Variants in SYT14 observed in about 807,000 individuals in gnomAD.
SYT14 encodes synaptotagmin 14.
SYT14 carries 32 observed loss-of-function variants against 74.2 expected under a neutral mutation model. The ratio of observed to expected loss-of-function variants is 0.43; its 90% CI spans 0.33 to 0.58. The LOEUF is 0.58. Among genes scored for constraint, SYT14 ranks in the 20% least tolerant of loss-of-function variants. SYT14 has a pLI of 0.05. For missense variants in SYT14, 791 were observed against 981.8 expected, an observed-to-expected ratio of 0.81 and a Z score of 2.60; for synonymous variants, 298 against 337.7, an observed-to-expected ratio of 0.88 and a Z score of 1.29.
intron 2 of SYT14, among the ~76,000 whole-genome samples, chr1:210,003,831 A>C (rs2079943463): frequency 6.6e-6 from 1 of 152,148 alleles, no homozygotes; most frequent in African/African-American, 2.4e-5. Flanking sequence ...AAATCCTTAC[A>C]AATAATTGGT....
At chr1:210,106,940 A>G (rs915398054) in intron 7 of SYT14, among the ~76,000 whole-genome samples, 1 of 152,234 alleles carries the variant, frequency 6.6e-6, no homozygotes, top group African/African-American at 2.4e-5. Context: ...GAGCCTGTGA[A>G]ATAAAAAGCA....
intron 7 of SYT14, among the ~76,000 whole-genome samples, chr1:210,106,286 A>T (rs2082156226): frequency 6.6e-6 from 1 of 152,042 alleles, no homozygotes; most frequent in African/African-American, 2.4e-5. Context: ...GTCTTAGCCT[A>T]CCCCCAGGGA....
At chr1:209,950,314 T>C (rs78381218) in intron 1 of SYT14, among the ~76,000 whole-genome samples, 18,157 of 152,258 alleles carry the variant, frequency 0.12, 1,453 homozygotes, top group South Asian at 0.21. Flanking sequence ...ATTATAGTTA[T>C]GTTATTTTTA....
chr1:210,109,340 G>A (rs988993793), intron 7 of SYT14, among the ~76,000 whole-genome samples: 5 of 152,122 alleles, frequency 3.3e-5, no homozygotes, highest in African/African-American at 1.2e-4. Flanking sequence ...AGCACTATGG[G>A]AGGCTGAGGT....
At chr1:209,977,928 C>T (rs2079399309) in intron 2 of SYT14, among the ~76,000 whole-genome samples, 1 of 152,152 alleles carries the variant, frequency 6.6e-6, no homozygotes, top group African/African-American at 2.4e-5. Flanking sequence ...TTTCTCTAAA[C>T]TTCTCTTCTT....
chr1:210,018,347 A>G (rs866384287), intron 4 of SYT14, among the ~76,000 whole-genome samples: 4 of 151,978 alleles, frequency 2.6e-5, no homozygotes, highest in African/African-American at 9.7e-5. Context: ...TTGGCCCGGG[A>G]TGGTCTCGGT....
At chr1:210,148,331 A>ACC (rs2083084682) in intron 7 of SYT14, among the ~76,000 whole-genome samples, 3 of 152,062 alleles carry the variant, frequency 2.0e-5, no homozygotes, top group Non-Finnish European at 1.5e-5. Context: ...ACACGGTGAA[A>ACC]CCCCGTCTCT....
Position 210,121,533 on chromosome 1 carries a change from A to G in SYT14, c.2034+21072A>G, listed in dbSNP as rs377508613. On this transcript the variant is annotated intron_variant, in intron 7 of 9. Transcript: ENST00000637265. ...AGTAGGGCCAGGCGCGGTGGCTCAC[A>G]CCTGTAATCCCAGCACTTTGGGAGG... Among the ~76,000 whole-genome samples, 122 of 152,258 alleles carry G rather than the reference A, an allele frequency of 8.0e-4. 1 individual carries two copies. Among genetic ancestry groups the G allele is most frequent in the Admixed American group, 2.0e-3 (31 of 15,294 alleles).
At chr1:210,041,562 G>A (rs1211518256) in intron 5 of SYT14, among the ~76,000 whole-genome samples, 1 of 152,094 alleles carries the variant, frequency 6.6e-6, no homozygotes. Flanking sequence ...GAGATGTATA[G>A]CATACACTAA....
chr1:210,161,992 T>G, exon 10 of SYT14: 3 of 453,822 alleles, frequency 6.6e-6, no homozygotes, highest in Non-Finnish European at 1.3e-5. Context: ...AATTTTCTGC[T>G]CTGAGTATTT....
intron 6 of SYT14, among the ~76,000 whole-genome samples, chr1:210,099,600 T>G (rs1230008792): frequency 6.6e-6 from 1 of 152,202 alleles, no homozygotes; most frequent in Admixed American, 6.5e-5. Context: ...GTTATACTTT[T>G]ATTTATGTTC....
chr1:210,016,188 T>C (rs1029777006), exon 4 of SYT14: 2 of 1,232,008 alleles, frequency 1.6e-6, no homozygotes, highest in African/African-American at 1.6e-5. Flanking sequence ...GAAAGCTCTG[T>C]AGCAGAAGAA....
chr1:209,961,680 A>G (rs2079077562), intron 2 of SYT14, among the ~76,000 whole-genome samples: 3 of 152,140 alleles, frequency 2.0e-5, no homozygotes, highest in South Asian at 2.1e-4. Context: ...TGAAGAAGGT[A>G]GGGACAGTCT....
chr1:210,111,253 G>A (rs2082256693), intron 7 of SYT14, among the ~76,000 whole-genome samples: 2 of 152,096 alleles, frequency 1.3e-5, no homozygotes, highest in African/African-American at 2.4e-5. Flanking sequence ...AAAAATTACA[G>A]TCAAAGGGGG....
At chr1:210,021,900 A>T (rs1558134398) in intron 5 of SYT14, among the ~76,000 whole-genome samples, 1 of 152,208 alleles carries the variant, frequency 6.6e-6, no homozygotes, top group Non-Finnish European at 1.5e-5. Context: ...CTCAACCTAT[A>T]TAGAAGATGT....
In SYT14 at chr1:210,081,830, C is replaced by T. The variant is rs552342009; in HGVS notation, c.1313-12492C>T. 2.0e-5 allele frequency among the ~76,000 whole-genome samples: 3 copies of T among 152,222 alleles called. No homozygotes were observed. In the South Asian group the frequency reaches 6.2e-4, roughly 32 times the overall value. On this transcript the variant is annotated intron_variant, in intron 5 of 9. Coordinates refer to ENST00000637265, the Ensembl canonical transcript of SYT14. Reference sequence around the variant, plus strand: ...CATAGTAATCCTATAATCATAATAGCACTATAGTTTGTAGGAAGTTTGAAT... The same window carrying T: ...CATAGTAATCCTATAATCATAATAGTACTATAGTTTGTAGGAAGTTTGAAT...
At chr1:210,016,941 A>T in exon 4 of SYT14, 1 of 1,231,824 alleles carries the variant, frequency 8.1e-7, no homozygotes, top group Non-Finnish European at 1.0e-6. Context: ...ACTAATTCTA[A>T]AGATAAGTTA....
intron 7 of SYT14, among the ~76,000 whole-genome samples, chr1:210,102,501 T>C (rs2082086126): frequency 6.6e-6 from 1 of 152,174 alleles, no homozygotes. Context: ...ATAGAATGTA[T>C]ATATTCTATA....
At chr1:209,939,876 T>C (rs1224736854) in intron 1 of SYT14, among the ~76,000 whole-genome samples, 3 of 152,242 alleles carry the variant, frequency 2.0e-5, no homozygotes, top group Non-Finnish European at 4.4e-5. Context: ...TTTTTCTTAG[T>C]TCTTCCTTTC....
Sources: gnomAD v4.1 joint callset for allele counts (sites outside exome capture counted in the v4.1 genomes callset) on GRCh38, gnomAD v4.1.1 for gene constraint, MANE v1.5 for transcripts, NCBI Gene and HGNC (gene_info 2026-07-23, HGNC 2026-07-21) for gene names.